Variants in CFAP54 observed in about 807,000 individuals in gnomAD.
The protein encoded by CFAP54 is cilia- and flagella-associated protein 54.
In CFAP54, 290 loss-of-function variants were observed where a neutral mutation model predicts 370.4. That is an observed-to-expected ratio of 0.78 (90% confidence interval 0.71 to 0.86). The LOEUF is 0.86. Among genes scored for constraint, CFAP54 ranks in the 40% least tolerant of loss-of-function variants. CFAP54 has a pLI of 0.00. For synonymous variants in CFAP54, 1,206 were observed against 1,236.5 expected (o/e 0.98, Z 0.52); for missense variants, 3,399 against 3,528.7 (o/e 0.96, Z 0.93).
At chr12:96,620,347 C>T (rs768109288) in intron 26 of CFAP54, among the ~76,000 whole-genome samples, 13 of 152,184 alleles carry the variant, frequency 8.5e-5, no homozygotes, top group Non-Finnish European at 1.8e-4. Context: ...GCGGGTCTTT[C>T]CTGTGCTGTT....
intron 36 of CFAP54, among the ~76,000 whole-genome samples, chr12:96,656,143 T>G (rs1448186762): frequency 6.6e-6 from 1 of 152,210 alleles, no homozygotes; most frequent in Non-Finnish European, 1.5e-5. Context: ...ACATGGCCCA[T>G]ACAAAATCTT....
chr12:96,858,345 T>C (rs994406171), intron 66 of CFAP54, among the ~76,000 whole-genome samples: 1 of 152,206 alleles, frequency 6.6e-6, no homozygotes, highest in Admixed American at 6.5e-5. Context: ...GTGGGATTGT[T>C]TTTCTCTTGT....
chr12:96,524,014 C>T (rs1955348147), intron 8 of CFAP54, among the ~76,000 whole-genome samples: 1 of 151,460 alleles, frequency 6.6e-6, no homozygotes, highest in Non-Finnish European at 1.5e-5. Flanking sequence ...CCTATGTTAC[C>T]TTGGCATATT....
intron 25 of CFAP54, among the ~76,000 whole-genome samples, chr12:96,598,191 C>A (rs2136440781): frequency 6.6e-6 from 1 of 151,950 alleles, no homozygotes; most frequent in Middle Eastern, 3.4e-3. Context: ...TAGTTGATTT[C>A]CTGAGATATG....
rs1053163670 is a variant in CFAP54, at chr12:96,613,908, A to T, written c.3640-7682A>T. ...CCAAAAAAAGTCCAGGACCAGATGG[A>T]TTCACAGCCGAATTCTACCAGAGGT... On this transcript the variant is annotated intron_variant, in intron 26 of 67. Transcript: ENST00000524981. Among the ~76,000 whole-genome samples, 7 of 152,106 alleles carry T rather than the reference A, an allele frequency of 4.6e-5. No individual in the cohort carries two copies. In the East Asian group the frequency reaches 1.4e-3, roughly 29 times the overall value.
chr12:96,859,973 C>CT (rs1229695347), intron 66 of CFAP54, among the ~76,000 whole-genome samples: 21 of 152,122 alleles, frequency 1.4e-4, no homozygotes, highest in Admixed American at 6.5e-4. Context: ...CACTGGAATA[C>CT]TTTATCATTT....
chr12:96,857,500 TGGCGTATATGTAC>T (rs1959741066), intron 66 of CFAP54, among the ~76,000 whole-genome samples: 1 of 152,220 alleles, frequency 6.6e-6, no homozygotes, highest in Admixed American at 6.5e-5. Context: ...TAGTATTCCA[TGGCGTATATGTAC>T]CACATTTTCT....
At position 96,621,677 on chromosome 12, in the gene CFAP54, T is replaced by G; in HGVS notation, c.3727T>G (p.Ser1243Ala). 1 of 1,529,484 alleles carries G rather than the reference T, an allele frequency of 6.5e-7. No homozygotes were observed. Among genetic ancestry groups the G allele is most frequent in the Non-Finnish European group, 8.7e-7 (1 of 1,143,038 alleles). 94.7% of individuals were successfully genotyped at this position (1,529,484 alleles called of 1,614,324 possible). Residue 1243 changes from serine to alanine, a missense_variant, in exon 27 of 68, where the codon TCT becomes GCT. By Grantham distance (99) the Ser-to-Ala change is moderately conservative. Around this residue, in one of 3 missense-constraint regions of CFAP54, gnomAD observed 2,796 missense variants for 2,869.7 expected, o/e 0.97. Coordinates refer to ENST00000524981, the MANE Select transcript of CFAP54 (RefSeq NM_001306084.2). ...GTTGGACATCACACCAGGATGCAAG[T>G]CTCTGTTTGATGGTAGTAATGAACA... ...KMLDITPGCK[S>A]LFDGSNEQEE...
At chr12:96,519,445 C>A (rs73235055) in intron 6 of CFAP54, among the ~76,000 whole-genome samples, 3,650 of 152,074 alleles carry the variant, frequency 0.024, 65 homozygotes, top group Non-Finnish European at 0.038. Flanking sequence ...TCCTTAGATG[C>A]CTGCCAGGGG....
At chr12:96,650,168 C>T in intron 35 of CFAP54, 96 bp downstream of exon 35, 1 of 1,118,738 alleles carries the variant, frequency 8.9e-7, no homozygotes, top group Non-Finnish European at 1.3e-6. Flanking sequence ...TCTTATTATA[C>T]ATAATTTTAG....
Position 96,489,769 on chromosome 12 carries a change from G to T in CFAP54, c.160G>T (p.Asp54Tyr). Residue 54 changes from aspartate (D) to tyrosine (Y), a missense_variant, in exon 1 of 68, where the codon GAC becomes TAC. Asp to Tyr is a radical substitution (Grantham distance 160). This residue lies in a region of CFAP54 where 559 missense variants were observed against 576.7 expected (regional missense o/e 0.97). Transcript: ENST00000524981. Reference sequence around the variant, plus strand: ...GCTGCTTCAGTGGACCTGCCCCGAGGACTCATTGCCCCTAGCCGTGTTTTA... The same window carrying T: ...GCTGCTTCAGTGGACCTGCCCCGAGTACTCATTGCCCCTAGCCGTGTTTTA... ...SSLLQWTCPE[D>Y]SLPLAVFYGP... 6.5e-7 allele frequency: 1 copy of T among 1,536,096 alleles called. No individual in the cohort carries two copies. The highest frequency in any genetic ancestry group is 8.7e-7 in the Non-Finnish European group (1 of 1,146,914).
intron 66 of CFAP54, among the ~76,000 whole-genome samples, chr12:96,856,985 A>G (rs146049550): frequency 0.011 from 1,705 of 152,280 alleles, 80 homozygotes; most frequent in East Asian, 0.11. Context: ...GGCCTCAGGA[A>G]ACTTACAATC....
chr12:96,836,829 T>A (rs1380726315), intron 66 of CFAP54, among the ~76,000 whole-genome samples: 1 of 152,234 alleles, frequency 6.6e-6, no homozygotes, highest in Non-Finnish European at 1.5e-5. Context: ...TTTTAAATTA[T>A]GTTTTTTGTT....
At chr12:96,826,775 A>T (rs1199699125) in intron 65 of CFAP54, among the ~76,000 whole-genome samples, 1 of 111,964 alleles carries the variant, frequency 8.9e-6, no homozygotes, top group African/African-American at 3.7e-5. Flanking sequence ...ATATTATATA[A>T]TATATAATTA....
chr12:96,644,858 T>C (rs1956771706), intron 33 of CFAP54, among the ~76,000 whole-genome samples: 1 of 152,170 alleles, frequency 6.6e-6, no homozygotes, highest in African/African-American at 2.4e-5. Flanking sequence ...CAAAGTGAGC[T>C]TTGGGTGGGG....
chr12:96,801,350 A>G (rs1748992383), intron 63 of CFAP54, among the ~76,000 whole-genome samples: 1 of 152,204 alleles, frequency 6.6e-6, no homozygotes, highest in South Asian at 2.1e-4. Context: ...TAATAGAACC[A>G]CATTACAAGC....
rs1001616600 is a variant in CFAP54 at position 96,627,031 on chromosome 12, G to A, written c.4103+92G>A. ...AGAAATATAAGGTAGACGAAAAAGA[G>A]AGTGGAGTATATACAGTTAAAACCA... On this transcript the variant is annotated intron_variant, in intron 30 of 67. Transcript: ENST00000524981. 1.1e-4 allele frequency: 105 copies of A among 943,178 alleles called. No individual in the cohort carries two copies. In the African/African-American group the frequency reaches 1.6e-3, roughly 14 times the overall value. 58.4% of individuals were successfully genotyped at this position (943,178 alleles called of 1,614,324 possible).
chr12:96,637,027 A>T (rs1956670418), intron 32 of CFAP54, among the ~76,000 whole-genome samples: 1 of 152,074 alleles, frequency 6.6e-6, no homozygotes, highest in Non-Finnish European at 1.5e-5. Flanking sequence ...GAAACCCGGC[A>T]CCCCTTAACT....
intron 38 of CFAP54, among the ~76,000 whole-genome samples, chr12:96,660,138 G>A (rs1370296002): frequency 1.3e-5 from 2 of 152,180 alleles, no homozygotes; most frequent in African/African-American, 4.8e-5. Context: ...TGGAGATGAT[G>A]GCATTTGATG....
Sources: allele counts gnomAD v4.1 joint callset (sites outside exome capture counted in the v4.1 genomes callset), GRCh38; gene constraint gnomAD v4.1.1; regional missense constraint gnomAD v4.1.1; transcripts MANE v1.5; gene names NCBI Gene and HGNC (gene_info 2026-07-23, HGNC 2026-07-21).